INTS3: variants seen among roughly 807,000 people sequenced by gnomAD.
INTS3 encodes the protein integrator complex subunit 3, also known as SOSS complex subunit A.
Under a neutral mutation model 146.3 loss-of-function variants are expected in INTS3, and 34 were observed. The observed-to-expected ratio is 0.23, with a 90% CI of 0.18 to 0.31. The LOEUF (loss-of-function observed/expected upper bound fraction) is 0.31, where lower values mean the gene tolerates loss of function less well. Ranked by LOEUF, INTS3 falls within the 10% of genes least tolerant of loss-of-function variation. The probability of loss-of-function intolerance (pLI) is 1.00; values close to 1 mark genes in which losing one functional copy is unlikely to be tolerated. For missense variants in INTS3, 757 were observed against 1,304.2 expected (o/e 0.58, Z 6.46); for synonymous variants, 475 against 494.9 (o/e 0.96, Z 0.53).
chr1:153,735,821 C>T lies in INTS3; in HGVS notation c.151-4830C>T, dbSNP rs141589503. Among the ~76,000 whole-genome samples the T allele has an allele frequency of 2.3e-4, 35 of 152,278 alleles. 2 individuals carry two copies. Among genetic ancestry groups the T allele is most frequent in the Admixed American group, 1.9e-3 (29 of 15,282 alleles). On this transcript the variant is annotated intron_variant, in intron 1 of 29. Transcript: ENST00000318967. ...TATTGCAGCCTACAGCTCTTGGGCT[C>T]AAGTGATCCTCCTGCCTCAGCCTCC...
chr1:153,765,109 G>A, intron 20 of INTS3, 46 bp downstream of exon 20: 1 of 1,608,670 alleles, frequency 6.2e-7, no homozygotes, highest in Non-Finnish European at 8.5e-7. Flanking sequence ...ACACATCCTG[G>A]AGAGCCTCTC....
chr1:153,772,717 G>A lies in INTS3; in HGVS notation c.2894+6G>A. ...GACGAAGCCCACAAGATGAAGTGAG[G>A]CTCCTGCCACTTTGGGCCTTGGAAA... On this transcript the variant is annotated splice_donor_region_variant and intron_variant, in intron 28 of 29. Transcript: ENST00000318967. This position sits in a 1 kb window ranked among gnomAD's most constrained non-coding sequence, Gnocchi z 4.6. 1 of 1,612,402 alleles carries A rather than the reference G, an allele frequency of 6.2e-7. No homozygotes were observed. Among genetic ancestry groups the A allele is most frequent in the African/African-American group, 1.3e-5 (1 of 74,972 alleles).
At chr1:153,728,936 C>T (rs1670963874) in intron 1 of INTS3, 152 bp downstream of exon 1, 1 of 586,656 alleles carries the variant, frequency 1.7e-6, no homozygotes, top group Non-Finnish European at 2.9e-6. Context: ...CTTCCTGCTC[C>T]TGAGGGAAGA....
chr1:153,742,312 T>A (rs943853717), intron 3 of INTS3, among the ~76,000 whole-genome samples: 2 of 152,220 alleles, frequency 1.3e-5, no homozygotes, highest in Admixed American at 6.5e-5. Context: ...TTATACTGAA[T>A]TTATCATCAA....
At chr1:153,739,112 G>A (rs1366433253) in intron 1 of INTS3, among the ~76,000 whole-genome samples, 1 of 152,034 alleles carries the variant, frequency 6.6e-6, no homozygotes, top group Non-Finnish European at 1.5e-5. Context: ...CGCCCAGGCT[G>A]GAGTGAAGTG....
chr1:153,738,969 C>G (rs1671412184), intron 1 of INTS3, among the ~76,000 whole-genome samples: 1 of 151,420 alleles, frequency 6.6e-6, no homozygotes, highest in African/African-American at 2.4e-5. Flanking sequence ...ACTCAGCTCA[C>G]TGCAAACTCT....
At chr1:153,762,248 A>T (rs960020745) in intron 14 of INTS3, among the ~76,000 whole-genome samples, 4 of 152,258 alleles carry the variant, frequency 2.6e-5, no homozygotes, top group Non-Finnish European at 5.9e-5. Flanking sequence ...CAGGAGTTCA[A>T]GACCAGCCTG....
chr1:153,739,817 CAG>C (rs1457165524), intron 1 of INTS3, among the ~76,000 whole-genome samples: 2 of 151,320 alleles, frequency 1.3e-5, no homozygotes, highest in Admixed American at 6.6e-5. Context: ...TTTTTTGAGA[CAG>C]AGTCTCGCTC....
In INTS3 at chr1:153,772,943, C is replaced by G; in HGVS notation, c.2913C>G (p.Ser971=). The change falls in exon 29 of 30, where the codon TCC becomes TCG. Residue 971 remains serine (S), a synonymous_variant. Transcript: ENST00000318967. The surrounding 1 kb of genome is among the most constrained non-coding windows in gnomAD (Gnocchi z 4.6). ...AHKMKFSDLF[S]LAEEYEDSST... Reference sequence around the variant, plus strand: ...TCCTTAGATTCAGTGATCTCTTCTCCCTGGCGGAGGAATATGAGGACTCTT... The same window carrying G: ...TCCTTAGATTCAGTGATCTCTTCTCGCTGGCGGAGGAATATGAGGACTCTT... The G allele has an allele frequency of 6.2e-7, 1 of 1,614,152 alleles. No individual in the cohort carries two copies. Among genetic ancestry groups the G allele is most frequent in the Non-Finnish European group, 8.5e-7 (1 of 1,180,036 alleles).
At chr1:153,769,041 C>T (rs1341350924) in intron 22 of INTS3, 80 bp downstream of exon 22, 1 of 1,169,038 alleles carries the variant, frequency 8.6e-7, no homozygotes, top group Non-Finnish European at 1.3e-6. Flanking sequence ...CCCTCCAGGC[C>T]TGCAGACAGG....
intron 10 of INTS3, 122 bp from the exon 11 acceptor site, chr1:153,759,404 C>A: frequency 2.7e-6 from 2 of 732,374 alleles, no homozygotes; most frequent in Admixed American, 1.9e-5. Context: ...CACCGTGTTT[C>A]ACTAGGAACT....
In INTS3 at chr1:153,772,300, C is replaced by G. The variant is rs755200501; in HGVS notation, c.2721-40C>G. 6.9e-6 allele frequency: 11 copies of G among 1,602,740 alleles called. No individual in the cohort carries two copies. The African/African-American group carries it at 1.2e-4, about 18-fold the overall frequency. ...GGAGGGTGTCTCGCACTCTGGAACC[C>G]TCCCACACTCAGACTCTGGCTCTGG... On this transcript the variant is annotated intron_variant, in intron 26 of 29. Transcript: ENST00000318967. This position sits in a 1 kb window ranked among gnomAD's most constrained non-coding sequence, Gnocchi z 4.6.
chr1:153,752,245 C>CT, intron 7 of INTS3, 34 bp from the exon 8 acceptor site: 1 of 1,608,146 alleles, frequency 6.2e-7, no homozygotes, highest in Non-Finnish European at 8.5e-7. Flanking sequence ...TTTTTATTCT[C>CT]TTTCCTGTCC....
chr1:153,758,843 C>G (rs553680156), intron 10 of INTS3, among the ~76,000 whole-genome samples: 27 of 150,842 alleles, frequency 1.8e-4, no homozygotes, highest in African/African-American at 6.1e-4. Flanking sequence ...CATGGTGGCT[C>G]TCACCTATAA....
chr1:153,751,263 T>C (rs761472460), intron 7 of INTS3, 24 bp downstream of exon 7: 1 of 1,611,384 alleles, frequency 6.2e-7, no homozygotes, highest in Non-Finnish European at 8.5e-7. Context: ...ACAAAAATAA[T>C]GTGGGGAAGT....
Position 153,768,937 on chromosome 1 carries a change from C to T in INTS3, c.2289C>T (p.Ile763=), listed in dbSNP as rs549092691. 5.0e-5 allele frequency: 80 copies of T among 1,613,946 alleles called. No homozygotes were observed. The South Asian group carries it at 8.2e-4, about 17-fold the overall frequency. The change falls in exon 22 of 30, where the codon ATC becomes ATT. Residue 763 remains isoleucine, a synonymous_variant. Transcript: ENST00000318967. ...TLRSGELLNM[I]VAVIDSAQLQ... ...GGAGCGGAGAGCTGCTGAACATGAT[C>T]GTGGCTGTTATTGACTCTGCACAGG...
chr1:153,773,144 G>C, intron 29 of INTS3, 49 bp from the exon 30 acceptor site: 1 of 1,613,606 alleles, frequency 6.2e-7, no homozygotes, highest in East Asian at 2.2e-5. Flanking sequence ...GTCGGCGCCA[G>C]CAGCTGCCCA....
rs200372484 is a variant in INTS3, at chr1:153,728,733, G to A, written c.99G>A (p.Gly33=). The change falls in exon 1 of 30, where the codon GGG becomes GGA. Residue 33 remains glycine, a synonymous_variant. Transcript: ENST00000318967. Reference sequence around the variant, plus strand: ...GAGCGGGAGCAGGAGCCCCAGGAGGGGGGAGGCTGCTACTTTCAACCAGTT... The same window carrying A: ...GAGCGGGAGCAGGAGCCCCAGGAGGAGGGAGGCTGCTACTTTCAACCAGTT... ...GGGAGAGAPG[G]GRLLLSTSLD... The A allele has an allele frequency of 3.7e-6, 6 of 1,610,480 alleles. No homozygotes were observed. The highest frequency in any genetic ancestry group is 3.3e-5 in the Admixed American group (2 of 59,814).
At chr1:153,759,434 G>A (rs1481983752) in intron 10 of INTS3, 92 bp from the exon 11 acceptor site, 4 of 843,020 alleles carry the variant, frequency 4.7e-6, no homozygotes, top group Non-Finnish European at 8.2e-6. Context: ...AGATGAAACA[G>A]CCAAGTGGGG....
Sources: gnomAD v4.1 joint callset for allele counts (sites outside exome capture counted in the v4.1 genomes callset) on GRCh38, gnomAD v4.1.1 for gene constraint, Gnocchi (gnomAD v3.1) non-coding constraint, MANE v1.5 for transcripts, NCBI Gene and HGNC (gene_info 2026-07-23, HGNC 2026-07-21) for gene names.